Variants in ARHGAP29 observed in about 807,000 individuals in gnomAD.
ARHGAP29 encodes rho GTPase-activating protein 29.
In ARHGAP29, 43 loss-of-function variants were observed where a neutral mutation model predicts 122.6. That is an observed-to-expected ratio of 0.35 (90% CI 0.27 to 0.45). ARHGAP29 has a LOEUF of 0.45. Among genes scored for constraint, ARHGAP29 ranks in the 20% least tolerant of loss-of-function variants. The pLI is 1.00. For synonymous variants in ARHGAP29, 506 were observed against 497.1 expected, an observed-to-expected ratio of 1.02 and a Z score of -0.24; for missense variants, 1,303 against 1,477.2, an observed-to-expected ratio of 0.88 and a Z score of 1.93.
intron 1 of ARHGAP29, among the ~76,000 whole-genome samples, chr1:94,253,080 C>T (rs2100698973): frequency 6.6e-6 from 1 of 152,026 alleles, no homozygotes; most frequent in East Asian, 1.9e-4. Flanking sequence ...AAACAATTCT[C>T]CTGCCTCAGC....
At chr1:94,277,895 A>G (rs1655242170), upstream of ARHGAP29, among the ~76,000 whole-genome samples, 1 of 152,244 alleles carries the variant, frequency 6.6e-6, no homozygotes. Flanking sequence ...TCCAAGGTAT[A>G]GCTACTGAAG....
chr1:94,272,296 C>T lies in ARHGAP29; in HGVS notation c.-33+2716G>A, dbSNP rs1173383731. 2.6e-5 allele frequency among the ~76,000 whole-genome samples: 4 copies of T among 152,150 alleles called. No homozygotes were observed. The East Asian group carries it at 7.7e-4, about 29-fold the overall frequency. On this transcript the variant is annotated intron_variant and NMD_transcript_variant, in intron 1 of 25. Coordinates refer to the ARHGAP29 transcript ENST00000552844. ...GGGACTATGGGACTATAGTTTGTCC[C>T]ACTAACCTCCTTTTTCTAAGATTCT... is the stretch of plus-strand genomic sequence containing the variant.
chr1:94,272,836 CT>C (rs1194305042), intron 1 of ARHGAP29, among the ~76,000 whole-genome samples: 2 of 152,190 alleles, frequency 1.3e-5, no homozygotes, highest in African/African-American at 4.8e-5. Context: ...TTATGCGTGT[CT>C]AATTCCTTTT....
chr1:94,214,445 C>T (rs967069277), intron 3 of ARHGAP29, among the ~76,000 whole-genome samples: 2 of 152,170 alleles, frequency 1.3e-5, no homozygotes, highest in African/African-American at 4.8e-5. Flanking sequence ...GCTCCAGATT[C>T]GCATTTCTAA....
chr1:94,178,222 CTG>C lies in ARHGAP29; in HGVS notation c.2481-57_2481-56del, dbSNP rs1486991992. 5.3e-6 allele frequency: 8 copies of C among 1,515,506 alleles called. No individual in the cohort carries two copies. In the East Asian group the frequency reaches 1.4e-4, roughly 26 times the overall value. The allele number at this position is 1,515,506 out of a possible 1,614,324, so 93.9% of individuals were successfully genotyped here. The stretch of plus-strand genomic sequence containing the variant: ...AGATTTTCCTATTAGAGTTCCTTGA[CTG>C]TAGTTTACTATGGAATAGAGAGGGT... On this transcript the variant is annotated intron_variant, in intron 20 of 22. Coordinates refer to ENST00000260526, the MANE Select transcript of ARHGAP29 (RefSeq NM_004815.4).
chr1:94,289,918 AT>A, the ARHGAP29 span, among the ~76,000 whole-genome samples: 2 of 152,180 alleles, frequency 1.3e-5, no homozygotes, highest in East Asian at 1.9e-4. Context: ...GGATTTTTGC[AT>A]TGATGTTCAT....
intron 8 of ARHGAP29, 52 bp from the exon 9 acceptor site, chr1:94,203,262 T>C (rs1352257809): frequency 4.6e-6 from 6 of 1,292,726 alleles, no homozygotes; most frequent in Non-Finnish European, 6.5e-6. Context: ...GCACTAGAAT[T>C]CCAAACACAT....
chr1:94,184,259 T>C lies in ARHGAP29; in HGVS notation c.2139A>G (p.Ile713Met), dbSNP rs1649655543. 6.2e-7 allele frequency: 1 copy of C among 1,611,800 alleles called. No homozygotes were observed. The highest frequency in any genetic ancestry group is 8.5e-7 in the Non-Finnish European group (1 of 1,179,340). ...AAGCTTGACACAATTTTTCAGTTTT[T>C]ATTTTGTTTCCACACACACGATAAA... is the stretch of plus-strand genomic sequence containing the variant. ...QGIYRVCGNKIKTEKLCQALE... is the reference protein window; with the variant it reads ...QGIYRVCGNKMKTEKLCQALE... Residue 713 changes from isoleucine (I) to methionine (M), a missense_variant, in exon 19 of 23, where the codon ATA becomes ATG. Transcript: ENST00000260526.
chr1:94,217,874 C>CAT (rs1375269509), intron 3 of ARHGAP29, among the ~76,000 whole-genome samples: 1 of 126,686 alleles, frequency 7.9e-6, no homozygotes, highest in Non-Finnish European at 1.7e-5. Context: ...AAAAAAAAAA[C>CAT]TGAAACCTCA....
the ARHGAP29 span, among the ~76,000 whole-genome samples, chr1:94,281,676 G>T: frequency 6.6e-6 from 1 of 152,182 alleles, no homozygotes; most frequent in African/African-American, 2.4e-5. Context: ...CTGCTCACAA[G>T]CACTTAAGGA....
chr1:94,186,800 T>C (rs900226003), intron 15 of ARHGAP29, among the ~76,000 whole-genome samples: 1 of 152,164 alleles, frequency 6.6e-6, no homozygotes, highest in African/African-American at 2.4e-5. Flanking sequence ...AATCTGACTT[T>C]CCCAAACAAA....
chr1:94,173,880 G>A lies in ARHGAP29; in HGVS notation c.3775C>T (p.Gln1259Ter), dbSNP rs1415719702. Reference protein sequence around the residue: ...QFEDLEGEIPQFV With the variant: ...QFEDLEGEIP The stretch of plus-strand genomic sequence containing the variant: ...GAAATTTGACATCCCTACACAAATT[G>A]TGGAATTTCACCTTCGAGGTCTTCA... Residue 1259 changes from glutamine to a stop codon, truncating the protein, a stop_gained, in exon 23 of 23, where the codon CAA becomes TAA. Coordinates refer to ENST00000260526, the MANE Select transcript of ARHGAP29 (RefSeq NM_004815.4). LOFTEE classifies it high-confidence loss of function. The A allele has an allele frequency of 3.1e-6, 5 of 1,598,882 alleles. No individual in the cohort carries two copies. Among genetic ancestry groups the A allele is most frequent in the Non-Finnish European group, 4.3e-6 (5 of 1,168,798 alleles).
intron 2 of ARHGAP29, among the ~76,000 whole-genome samples, chr1:94,227,618 C>G (rs557961006): frequency 5.3e-5 from 8 of 151,690 alleles, no homozygotes; most frequent in Non-Finnish European, 7.4e-5. Flanking sequence ...ATTAAAAGGC[C>G]TTTACATTTT....
At chr1:94,282,151 T>C in the ARHGAP29 span, among the ~76,000 whole-genome samples, 1 of 151,994 alleles carries the variant, frequency 6.6e-6, no homozygotes, top group African/African-American at 2.4e-5. Flanking sequence ...TCTGATCTTG[T>C]AAGTCTGGAC....
chr1:94,194,899 A>G (rs1650357866), intron 12 of ARHGAP29: 1 of 152,096 alleles, frequency 6.6e-6, no homozygotes, highest in African/African-American at 2.4e-5. Flanking sequence ...AATCAAACAC[A>G]TTTTTTCATT....
At chr1:94,238,191 G>A (rs1653426116), upstream of ARHGAP29, among the ~76,000 whole-genome samples, 1 of 150,516 alleles carries the variant, frequency 6.6e-6, no homozygotes, top group African/African-American at 2.5e-5. Flanking sequence ...CACCTGAGTA[G>A]CTGCGATTAT....
chr1:94,264,476 T>A lies in ARHGAP29; in HGVS notation c.-33+10536A>T, dbSNP rs369955331. Among the ~76,000 whole-genome samples the A allele has an allele frequency of 3.3e-5, 5 of 150,378 alleles. No homozygotes were observed. The East Asian group carries it at 9.6e-4, about 29-fold the overall frequency. On this transcript the variant is annotated intron_variant and NMD_transcript_variant, in intron 1 of 25. Coordinates refer to the ARHGAP29 transcript ENST00000552844. The stretch of plus-strand genomic sequence containing the variant: ...CACAGGCTGAAACCTAAGACACAGA[T>A]GCTTTGGTGTGTTTGGGCAGTGGTT...
chr1:94,243,355 T>C (rs1653675797), intron 1 of ARHGAP29, among the ~76,000 whole-genome samples: 2 of 152,088 alleles, frequency 1.3e-5, no homozygotes, highest in African/African-American at 4.8e-5. Context: ...GTATGTCCTC[T>C]GATCAAAACA....
chr1:94,201,184 T>C (rs945933320), intron 12 of ARHGAP29, among the ~76,000 whole-genome samples: 1 of 152,192 alleles, frequency 6.6e-6, no homozygotes, highest in South Asian at 2.1e-4. Context: ...GTCAAATCAA[T>C]GATGTCGGCA....
Sources: allele counts gnomAD v4.1 joint callset (sites outside exome capture counted in the v4.1 genomes callset), GRCh38; gene constraint gnomAD v4.1.1; transcripts MANE v1.5; gene names NCBI Gene and HGNC (gene_info 2026-07-23, HGNC 2026-07-21).